Variants in PTPRS observed in about 807,000 individuals in gnomAD.
PTPRS encodes receptor-type tyrosine-protein phosphatase S.
PTPRS carries 63 observed loss-of-function variants against 215.3 expected under a neutral mutation model. The observed-to-expected ratio is 0.29, with a 90% confidence interval of 0.24 to 0.36. PTPRS has a LOEUF of 0.36. Ranked by LOEUF, PTPRS falls within the 10% of genes least tolerant of loss-of-function variation. PTPRS has a pLI of 1.00. For synonymous variants in PTPRS, 1,404 were observed against 1,191.4 expected, an observed-to-expected ratio of 1.18 and a Z score of -3.68; for missense variants, 2,258 against 2,825.8, an observed-to-expected ratio of 0.80 and a Z score of 4.56.
intron 1 of PTPRS, among the ~76,000 whole-genome samples, chr19:5,332,464 C>T (rs2050358752): frequency 1.3e-5 from 2 of 152,174 alleles, no homozygotes; most frequent in South Asian, 4.1e-4. Flanking sequence ...TAGATTTCTG[C>T]TTTTCCTTGG....
intron 16 of PTPRS, 150 bp downstream of exon 16, chr19:5,229,166 A>C: frequency 1.1e-6 from 1 of 925,068 alleles, no homozygotes; most frequent in Non-Finnish European, 1.4e-6. Flanking sequence ...TGGGCGCTCC[A>C]AGAGGTAATG....
chr19:5,258,506 C>G (rs2045745484), intron 7 of PTPRS, among the ~76,000 whole-genome samples: 1 of 152,194 alleles, frequency 6.6e-6, no homozygotes, highest in African/African-American at 2.4e-5. Flanking sequence ...ATTCACAACT[C>G]ATAACCATCA....
chr19:5,324,679 C>G (rs557558292), intron 1 of PTPRS, among the ~76,000 whole-genome samples: 3 of 152,220 alleles, frequency 2.0e-5, no homozygotes, highest in Non-Finnish European at 4.4e-5. Flanking sequence ...TGACCCTGCA[C>G]AAGTCACATC....
At chr19:5,207,128 A>T (rs1002176218) in intron 37 of PTPRS, among the ~76,000 whole-genome samples, 1 of 152,244 alleles carries the variant, frequency 6.6e-6, no homozygotes, top group Non-Finnish European at 1.5e-5. Context: ...TGTGTTGCCC[A>T]GGCTGGAGTG....
At chr19:5,219,218 C>T (rs1451914129) in intron 23 of PTPRS, 92 bp downstream of exon 23, 3 of 1,523,292 alleles carry the variant, frequency 2.0e-6, no homozygotes, top group Non-Finnish European at 2.7e-6. Flanking sequence ...CAACAGAGAC[C>T]TTTAGTGATG....
At chr19:5,215,741 A>G (rs1044874283) in intron 26 of PTPRS, 146 bp from the exon 27 acceptor site, 1 of 649,794 alleles carries the variant, frequency 1.5e-6, no homozygotes, top group South Asian at 2.0e-5. Context: ...GCAGGAGGGG[A>G]AGACTCAGGG....
chr19:5,209,716 C>T (rs942384029), intron 35 of PTPRS, among the ~76,000 whole-genome samples: 1 of 152,214 alleles, frequency 6.6e-6, no homozygotes, highest in Non-Finnish European at 1.5e-5. Flanking sequence ...ACCCAAACTA[C>T]CACATTCCAC....
Position 5,273,599 on chromosome 19 carries a change from G to GA in PTPRS, c.238-17dup. On this transcript the variant is annotated splice_polypyrimidine_tract_variant and intron_variant, in intron 3 of 37. Transcript: ENST00000262963. ...ACTCAATCGTCTGCCATGGGCAGGG[G>GA]AAAAAAGAACAGAGTGAGGCTGGGG... The GA allele has an allele frequency of 6.2e-7, 1 of 1,613,624 alleles. No individual in the cohort carries two copies. The highest frequency in any genetic ancestry group is 1.1e-5 in the South Asian group (1 of 91,018).
At chr19:5,308,417 T>G (rs373570901) in intron 1 of PTPRS, among the ~76,000 whole-genome samples, 2 of 152,188 alleles carry the variant, frequency 1.3e-5, no homozygotes, top group African/African-American at 4.8e-5. Context: ...TCAGTCACTA[T>G]AGTGTCCCCA....
intron 17 of PTPRS, 106 bp from the exon 18 acceptor site, chr19:5,223,403 T>G: frequency 7.9e-7 from 1 of 1,268,366 alleles, no homozygotes; most frequent in Non-Finnish European, 1.0e-6. Flanking sequence ...TAACATTTTT[T>G]TGAGTTGGGG....
intron 6 of PTPRS, among the ~76,000 whole-genome samples, chr19:5,261,523 A>G (rs999591762): frequency 2.0e-5 from 3 of 152,194 alleles, no homozygotes; most frequent in African/African-American, 7.2e-5. Flanking sequence ...TCTGCTCATG[A>G]TCCAGGGAGA....
Position 5,222,840 on chromosome 19 carries a change from C to T in PTPRS, c.2952G>A (p.Pro984=), listed in dbSNP as rs769258006. Residue 984 remains proline (P), a synonymous_variant, in exon 18 of 38, where the codon CCG becomes CCA. Coordinates refer to ENST00000262963, the MANE Select transcript of PTPRS (RefSeq NM_002850.4). Reference sequence around the variant, plus strand: ...TCTCCGCGCCCGGCTCAGCCGCTGCCGGCAGCTCAGTCTCTCGGGCAGGGC... The same window carrying T: ...TCTCCGCGCCCGGCTCAGCCGCTGCTGGCAGCTCAGTCTCTCGGGCAGGGC... ...ALGPARETEL[P]AAAEPGAENA... The T allele has an allele frequency of 1.9e-5, 31 of 1,593,790 alleles. No homozygotes were observed. Among genetic ancestry groups the T allele is most frequent in the Admixed American group, 1.7e-4 (10 of 59,648 alleles).
intron 13 of PTPRS, among the ~76,000 whole-genome samples, chr19:5,234,159 T>C (rs1305210657): frequency 6.6e-6 from 1 of 151,396 alleles, no homozygotes; most frequent in Non-Finnish European, 1.5e-5. Flanking sequence ...ACGGAAAATA[T>C]GGTAAAATTT....
chr19:5,277,547 T>C (rs1270585637), intron 2 of PTPRS, among the ~76,000 whole-genome samples: 1 of 150,948 alleles, frequency 6.6e-6, no homozygotes, highest in Admixed American at 6.6e-5. Context: ...TCCCAGCTAC[T>C]CGGGAGGCTG....
intron 11 of PTPRS, 113 bp from the exon 12 acceptor site, chr19:5,240,445 GTTCTT>G (rs2043935066): frequency 8.8e-7 from 1 of 1,135,110 alleles, no homozygotes; most frequent in Non-Finnish European, 1.2e-6. Context: ...CTTCTAGAAT[GTTCTT>G]TTATTTTCCT....
chr19:5,312,990 C>G (rs963596798), intron 1 of PTPRS, among the ~76,000 whole-genome samples: 2 of 152,216 alleles, frequency 1.3e-5, no homozygotes, highest in African/African-American at 2.4e-5. Flanking sequence ...TCTCGGCTGA[C>G]TGCAACCTCC....
intron 1 of PTPRS, among the ~76,000 whole-genome samples, chr19:5,328,528 G>A (rs947494948): frequency 4.6e-5 from 7 of 151,878 alleles, no homozygotes; most frequent in African/African-American, 9.7e-5. Context: ...GTGAACCACC[G>A]CGCCCGGCCC....
rs756110933 is a variant in PTPRS at position 5,211,778 on chromosome 19, G to A, written c.5056-10C>T. The stretch of plus-strand genomic sequence containing the variant: ...TGGAGTTAGCCAGCCGCTGTGGGGA[G>A]GAGGAAGCCAGAGGCCACCATCAGG... On this transcript the variant is annotated splice_polypyrimidine_tract_variant and intron_variant, in intron 32 of 37. Transcript: ENST00000262963. 6.2e-7 allele frequency: 1 copy of A among 1,608,314 alleles called. No individual in the cohort carries two copies. The highest frequency in any genetic ancestry group is 8.5e-7 in the Non-Finnish European group (1 of 1,175,252).
intron 1 of PTPRS, among the ~76,000 whole-genome samples, chr19:5,322,748 G>A (rs1484819439): frequency 2.0e-5 from 3 of 151,598 alleles, no homozygotes; most frequent in East Asian, 1.9e-4. Flanking sequence ...GCATGGTGGC[G>A]CACGCCTATA....
Sources: gnomAD v4.1 joint callset for allele counts (sites outside exome capture counted in the v4.1 genomes callset) on GRCh38, gnomAD v4.1.1 for gene constraint, MANE v1.5 for transcripts, NCBI Gene and HGNC (gene_info 2026-07-23, HGNC 2026-07-21) for gene names.